Variants in TMEM86A observed in about 807,000 individuals in gnomAD.
TMEM86A encodes transmembrane protein 86A.
TMEM86A carries 13 observed loss-of-function variants against 19.8 expected under a neutral mutation model. The observed-to-expected ratio is 0.66, with a 90% CI of 0.43 to 1.04. The LOEUF is 1.04. TMEM86A is among the 50% of genes least tolerant of loss of function. The probability of loss-of-function intolerance (pLI) is 0.00; values close to 1 mark genes in which losing one functional copy is unlikely to be tolerated. For synonymous variants in TMEM86A, 128 were observed against 129.9 expected, an observed-to-expected ratio of 0.99 and a Z score of 0.10; for missense variants, 248 against 306.8, an observed-to-expected ratio of 0.81 and a Z score of 1.43.
rs780549674 is a variant in TMEM86A at position 18,700,999 on chromosome 11, C to A, written c.88C>A (p.Leu30Met). The change falls in exon 2 of 3, where the codon CTG becomes ATG. Residue 30 changes from leucine to methionine, a missense_variant. Physicochemically the swap from Leu to Met is conservative, Grantham distance 15. Coordinates refer to ENST00000280734, the MANE Select transcript of TMEM86A (RefSeq NM_153347.3). ...CACCTGCGTGTATTTTGTGCTCTGG[C>A]TGCCCTCATCTAGCCCATCGTGGGT... is the stretch of plus-strand genomic sequence containing the variant. ...KATCVYFVLWLPSSSPSWVST... is the reference protein window; with the variant it reads ...KATCVYFVLWMPSSSPSWVST... 2 of 1,614,094 alleles carry A rather than the reference C, an allele frequency of 1.2e-6. No homozygotes were observed. The highest frequency in any genetic ancestry group is 1.7e-6 in the Non-Finnish European group (2 of 1,180,050).
intron 1 of TMEM86A, 88 bp downstream of exon 1, chr11:18,698,995 G>A: frequency 2.4e-6 from 1 of 421,166 alleles, no homozygotes; most frequent in South Asian, 5.7e-5. Flanking sequence ...AGCTGCCGAA[G>A]GGGCCGAGGC....
chr11:18,701,862 C>A lies in TMEM86A; in HGVS notation c.576C>A (p.Thr192=). Reference sequence around the variant, plus strand: ...TCTTCTTTATCATCTCAGACCTGACCATCGCCCTCAACAAATTCTGTTTTC... The same window carrying A: ...TCTTCTTTATCATCTCAGACCTGACAATCGCCCTCAACAAATTCTGTTTTC... The part of the protein sequence containing the change: ...GALFFIISDL[T]IALNKFCFPV... The change falls in exon 3 of 3, where the codon ACC becomes ACA. Residue 192 remains threonine, a synonymous_variant. Coordinates refer to ENST00000280734, the MANE Select transcript of TMEM86A (RefSeq NM_153347.3). The surrounding 1 kb of genome is among the most constrained non-coding windows in gnomAD (Gnocchi z 5.3). 6.2e-7 allele frequency: 1 copy of A among 1,614,140 alleles called. No individual in the cohort carries two copies. The highest frequency in any genetic ancestry group is 8.5e-7 in the Non-Finnish European group (1 of 1,180,038).
Position 18,701,243 on chromosome 11 carries a change from G to A in TMEM86A, c.286+46G>A, listed in dbSNP as rs370730864. 3 of 1,598,110 alleles carry A rather than the reference G, an allele frequency of 1.9e-6. No individual in the cohort carries two copies. Among genetic ancestry groups the A allele is most frequent in the African/African-American group, 2.7e-5 (2 of 74,684 alleles). Reference sequence around the variant, plus strand: ...CCTGGGAGGAGTCCTGGGGCTGGGGGATAGAGGGTCCTGGGCTGTGGGCAA... The same window carrying A: ...CCTGGGAGGAGTCCTGGGGCTGGGGAATAGAGGGTCCTGGGCTGTGGGCAA... On this transcript the variant is annotated intron_variant, in intron 2 of 2. Coordinates refer to ENST00000280734, the MANE Select transcript of TMEM86A (RefSeq NM_153347.3). The surrounding 1 kb of genome is among the most constrained non-coding windows in gnomAD (Gnocchi z 5.3).
rs761129390 is a variant in TMEM86A at position 18,702,650 on chromosome 11, T to C, written c.*641T>C. The C allele has an allele frequency of 6.5e-6, 1 of 154,430 alleles. No individual in the cohort carries two copies. Among genetic ancestry groups the C allele is most frequent in the Admixed American group, 6.4e-5 (1 of 15,656 alleles). 9.6% of individuals were successfully genotyped at this position (154,430 alleles called of 1,614,324 possible). On this transcript the variant is annotated 3_prime_UTR_variant, in exon 3 of 3. Coordinates refer to ENST00000280734, the MANE Select transcript of TMEM86A (RefSeq NM_153347.3). Reference sequence around the variant, plus strand: ...AGAGAACTTCTTTGGTCTCGGAGTTTGGGGTCTCAAGAATTCAAGTAGCCC... The same window carrying C: ...AGAGAACTTCTTTGGTCTCGGAGTTCGGGGTCTCAAGAATTCAAGTAGCCC...
Position 18,698,921 on chromosome 11 carries a change from C to T in TMEM86A, c.21+14C>T. 1.6e-6 allele frequency: 1 copy of T among 641,504 alleles called. No homozygotes were observed. The highest frequency in any genetic ancestry group is 3.2e-5 in the East Asian group (1 of 31,550). 39.7% of individuals were successfully genotyped at this position (641,504 alleles called of 1,614,324 possible). A position where few individuals can be genotyped will look rare whatever the true frequency, so the allele number is the denominator to read the frequency against. ...CCGGTCACTGTGGTGAGTGAGCGAG[C>T]GAGCGAGCCAGTGCCCGGCGCGGCT... On this transcript the variant is annotated intron_variant, in intron 1 of 2. Coordinates refer to ENST00000280734, the MANE Select transcript of TMEM86A (RefSeq NM_153347.3).
At position 18,701,577 on chromosome 11, in the gene TMEM86A, G is replaced by T; in HGVS notation, c.291G>T (p.Leu97=). The change falls in exon 3 of 3, where the codon CTG becomes CTT. Residue 97 remains leucine, a synonymous_variant. Coordinates refer to ENST00000280734, the MANE Select transcript of TMEM86A (RefSeq NM_153347.3). This position sits in a 1 kb window ranked among gnomAD's most constrained non-coding sequence, Gnocchi z 5.3. ...CTTTGCCCCTCTTACCCCCAGGTCT[G>T]CTGATGTTTGCTGTGACCCACATGT... ...WQDQGYFVHG[L]LMFAVTHMFY... 1 of 1,546,906 alleles carries T rather than the reference G, an allele frequency of 6.5e-7. No individual in the cohort carries two copies. Among genetic ancestry groups the T allele is most frequent in the Non-Finnish European group, 8.7e-7 (1 of 1,146,046 alleles).
chr11:18,701,340 G>A lies in TMEM86A; in HGVS notation c.286+143G>A. 1 of 1,234,014 alleles carries A rather than the reference G, an allele frequency of 8.1e-7. No individual in the cohort carries two copies. The highest frequency in any genetic ancestry group is 1.1e-6 in the Non-Finnish European group (1 of 897,740). 76.4% of individuals were successfully genotyped at this position (1,234,014 alleles called of 1,614,324 possible). On this transcript the variant is annotated intron_variant, in intron 2 of 2. Transcript: ENST00000280734. The surrounding 1 kb of genome is among the most constrained non-coding windows in gnomAD (Gnocchi z 5.3). ...GGTTTCTGAGGCCAGGGACTGTGAG[G>A]GTCCTTGTTAGGGGATGACCTCGCA...
Position 18,701,519 on chromosome 11 carries a change from T to TA in TMEM86A, c.287-53dup. 2 of 1,507,030 alleles carry TA rather than the reference T, an allele frequency of 1.3e-6. No homozygotes were observed. Among genetic ancestry groups the TA allele is most frequent in the Middle Eastern group, 1.8e-4 (1 of 5,588 alleles). 93.4% of individuals were successfully genotyped at this position (1,507,030 alleles called of 1,614,324 possible). A position where few individuals can be genotyped will look rare whatever the true frequency, so the allele number is the denominator to read the frequency against. ...ACATCCATCCCTACCCCCACCCTGTTACTCATTCTTCATCAAGCTTGCCCT... is the reference window on the plus strand; with the variant it reads ...ACATCCATCCCTACCCCCACCCTGTTAACTCATTCTTCATCAAGCTTGCCCT... On this transcript the variant is annotated intron_variant, in intron 2 of 2. Transcript: ENST00000280734. The surrounding 1 kb of genome is among the most constrained non-coding windows in gnomAD (Gnocchi z 5.3).
chr11:18,704,504 G>C lies in TMEM86A; in HGVS notation c.*2495G>C, dbSNP rs1323454486. The C allele has an allele frequency of 1.3e-6, 2 of 1,550,678 alleles. No homozygotes were observed. The highest frequency in any genetic ancestry group is 4.9e-5 in the East Asian group (2 of 40,892). On this transcript the variant is annotated 3_prime_UTR_variant, in exon 3 of 3. Transcript: ENST00000280734. ...GCTTTGATTTCTTCTGCAGACTCTC[G>C]GTGATGGATGCTACAACTGACTTAT... is the stretch of plus-strand genomic sequence containing the variant.
rs1315276350 is a variant in TMEM86A, at chr11:18,699,361, C to T, written c.21+454C>T. On this transcript the variant is annotated intron_variant, in intron 1 of 2. Coordinates refer to ENST00000280734, the MANE Select transcript of TMEM86A (RefSeq NM_153347.3). This position sits in a 1 kb window ranked among gnomAD's most constrained non-coding sequence, Gnocchi z 4.0. Reference sequence around the variant, plus strand: ...CTTCCTCATTTTGTAAACAAGTTGGCGGACGCCCCTGAGTCTAAGAAGCGC... The same window carrying T: ...CTTCCTCATTTTGTAAACAAGTTGGTGGACGCCCCTGAGTCTAAGAAGCGC... 6.6e-6 allele frequency among the ~76,000 whole-genome samples: 1 copy of T among 152,192 alleles called. No homozygotes were observed. The highest frequency in any genetic ancestry group is 1.9e-4 in the East Asian group (1 of 5,188).
intron 1 of TMEM86A, 151 bp from the exon 2 acceptor site, chr11:18,700,782 G>A: frequency 9.0e-7 from 1 of 1,105,450 alleles, no homozygotes; most frequent in South Asian, 1.5e-5. Flanking sequence ...AGGCAGGCCA[G>A]GCTGGGTTTC....
chr11:18,700,861 G>A (rs765242194), intron 1 of TMEM86A, 72 bp from the exon 2 acceptor site: 3 of 1,571,490 alleles, frequency 1.9e-6, no homozygotes, highest in African/African-American at 2.7e-5. Context: ...TCTCTGGGGT[G>A]GATGCCTAGG....
In TMEM86A at chr11:18,703,210, A is replaced by C. The variant is rs1848167879; in HGVS notation, c.*1201A>C. The stretch of plus-strand genomic sequence containing the variant: ...CTCTGGCTGTCCTCACAGCCTAGTC[A>C]CAGTCCTGGGCAGTGCATCTTGGTG... On this transcript the variant is annotated 3_prime_UTR_variant, in exon 3 of 3. Transcript: ENST00000280734. 6.6e-6 allele frequency: 1 copy of C among 152,256 alleles called. No homozygotes were observed. The highest frequency in any genetic ancestry group is 6.5e-5 in the Admixed American group (1 of 15,282). The allele number at this position is 152,256 out of a possible 1,614,324, so 9.4% of individuals were successfully genotyped here. A position where few individuals can be genotyped will look rare whatever the true frequency, so the allele number is the denominator to read the frequency against.
At position 18,699,205 on chromosome 11, in the gene TMEM86A, C is replaced by G. The variant is rs922094680; in HGVS notation, c.21+298C>G. 6.6e-6 allele frequency among the ~76,000 whole-genome samples: 1 copy of G among 152,318 alleles called. No individual in the cohort carries two copies. The highest frequency in any genetic ancestry group is 1.9e-4 in the East Asian group (1 of 5,172). ...GGCGCGGGTCGGCGGGGTCGCGGCCCGGGAGAGGGAGGGGACCGCTGCCGG... is the reference window on the plus strand; with the variant it reads ...GGCGCGGGTCGGCGGGGTCGCGGCCGGGGAGAGGGAGGGGACCGCTGCCGG... On this transcript the variant is annotated intron_variant, in intron 1 of 2. Coordinates refer to ENST00000280734, the MANE Select transcript of TMEM86A (RefSeq NM_153347.3). This position sits in a 1 kb window ranked among gnomAD's most constrained non-coding sequence, Gnocchi z 4.0.
chr11:18,700,740 A>C, intron 1 of TMEM86A, 193 bp from the exon 2 acceptor site: 1 of 689,736 alleles, frequency 1.4e-6, no homozygotes, highest in Non-Finnish European at 2.4e-6. Flanking sequence ...TCAGGGCAGT[A>C]ATGGGTTTGG....
In TMEM86A at chr11:18,704,426, C is replaced by G. The variant is rs1418776650; in HGVS notation, c.*2417C>G. 5 of 1,404,946 alleles carry G rather than the reference C, an allele frequency of 3.6e-6. No homozygotes were observed. The African/African-American group carries it at 7.2e-5, about 20-fold the overall frequency. 87.0% of individuals were successfully genotyped at this position (1,404,946 alleles called of 1,614,324 possible). On this transcript the variant is annotated 3_prime_UTR_variant, in exon 3 of 3. Transcript: ENST00000280734. Reference sequence around the variant, plus strand: ...CATGCAGAGGACAGGCCAAGAAACTCCACATCATAACAGCCTCCTGATGCC... The same window carrying G: ...CATGCAGAGGACAGGCCAAGAAACTGCACATCATAACAGCCTCCTGATGCC...
Position 18,699,497 on chromosome 11 carries a change from G to A in TMEM86A, c.21+590G>A, listed in dbSNP as rs1179623811. 6.6e-6 allele frequency among the ~76,000 whole-genome samples: 1 copy of A among 152,164 alleles called. No individual in the cohort carries two copies. The highest frequency in any genetic ancestry group is 1.9e-4 in the East Asian group (1 of 5,202). On this transcript the variant is annotated intron_variant, in intron 1 of 2. Transcript: ENST00000280734. This position sits in a 1 kb window ranked among gnomAD's most constrained non-coding sequence, Gnocchi z 4.0. ...TCCCCATCCTCCTTATTCTACTACT[G>A]GGTTCCCTATAACTGTCAGGGTCTC...
rs1848127884 is a variant in TMEM86A, at chr11:18,699,101, GC to G, written c.21+199del. 6.6e-6 allele frequency among the ~76,000 whole-genome samples: 1 copy of G among 151,970 alleles called. No individual in the cohort carries two copies. The highest frequency in any genetic ancestry group is 2.4e-5 in the African/African-American group (1 of 41,402). On this transcript the variant is annotated intron_variant, in intron 1 of 2. Coordinates refer to ENST00000280734, the MANE Select transcript of TMEM86A (RefSeq NM_153347.3). This position sits in a 1 kb window ranked among gnomAD's most constrained non-coding sequence, Gnocchi z 4.0. The stretch of plus-strand genomic sequence containing the variant: ...AGACTCGCGGCGCCCCTCCTCGCGC[GC>G]CCCCAGCCCGCCCGCGGAGGGAGGA...
rs1022572886 is a variant in TMEM86A, at chr11:18,703,541, T to G, written c.*1532T>G. 1 of 152,224 alleles carries G rather than the reference T, an allele frequency of 6.6e-6. No individual in the cohort carries two copies. Among genetic ancestry groups the G allele is most frequent in the Non-Finnish European group, 1.5e-5 (1 of 68,056 alleles). 9.4% of individuals were successfully genotyped at this position (152,224 alleles called of 1,614,324 possible). Reference sequence around the variant, plus strand: ...TGGACTCTGGGCTTAGTTGAACAGCTGGGAGCAATGGGATTAGATTGGCTG... The same window carrying G: ...TGGACTCTGGGCTTAGTTGAACAGCGGGGAGCAATGGGATTAGATTGGCTG... On this transcript the variant is annotated 3_prime_UTR_variant, in exon 3 of 3. Transcript: ENST00000280734.
Sources: gnomAD v4.1 joint callset for allele counts (sites outside exome capture counted in the v4.1 genomes callset) on GRCh38, gnomAD v4.1.1 for gene constraint, Gnocchi (gnomAD v3.1) non-coding constraint, MANE v1.5 for transcripts, NCBI Gene and HGNC (gene_info 2026-07-23, HGNC 2026-07-21) for gene names.